Variants in FARP1 observed in about 807,000 individuals in gnomAD.
FARP1 encodes FERM, ARH/RhoGEF and pleckstrin domain protein 1.
FARP1 carries 52 observed loss-of-function variants against 128.8 expected under a neutral mutation model. That is an observed-to-expected ratio of 0.40 (90% confidence interval 0.32 to 0.51). The LOEUF is 0.51. Ranked by LOEUF, FARP1 falls within the 20% of genes least tolerant of loss-of-function variation. FARP1 has a pLI of 0.45. For missense variants in FARP1, 1,333 were observed against 1,367.9 expected, an observed-to-expected ratio of 0.97 and a Z score of 0.40; for synonymous variants, 580 against 551.8, an observed-to-expected ratio of 1.05 and a Z score of -0.72.
intron 1 of FARP1, among the ~76,000 whole-genome samples, chr13:98,200,579 G>C (rs1257258964): frequency 6.6e-6 from 1 of 152,102 alleles, no homozygotes; most frequent in African/African-American, 2.4e-5. Context: ...TAAGTGACTG[G>C]CCTGATGTTC....
At chr13:98,331,933 C>T (rs1285848241) in intron 2 of FARP1, 1 of 152,186 alleles carries the variant, frequency 6.6e-6, no homozygotes, top group African/African-American at 2.4e-5. Flanking sequence ...AGTTAGTTTT[C>T]CTTCCATCTT....
intron 6 of FARP1, among the ~76,000 whole-genome samples, chr13:98,379,962 C>T (rs543292908): frequency 6.6e-6 from 1 of 152,098 alleles, no homozygotes; most frequent in Non-Finnish European, 1.5e-5. Flanking sequence ...CACCTGCAAC[C>T]CTCCTTTTCC....
chr13:98,375,790 G>A (rs1268464999), intron 5 of FARP1, among the ~76,000 whole-genome samples: 12 of 152,052 alleles, frequency 7.9e-5, no homozygotes, highest in Non-Finnish European at 1.3e-4. Context: ...CACCACACCC[G>A]GCTAATTTTT....
At chr13:98,285,937 C>G (rs964909872) in intron 2 of FARP1, among the ~76,000 whole-genome samples, 8 of 152,130 alleles carry the variant, frequency 5.3e-5, no homozygotes, top group African/African-American at 1.9e-4. Context: ...GTTTGGGGGT[C>G]CCCTGTGTCT....
chr13:98,236,113 T>C (rs1467576181), intron 2 of FARP1, among the ~76,000 whole-genome samples: 1 of 152,222 alleles, frequency 6.6e-6, no homozygotes, highest in Non-Finnish European at 1.5e-5. Flanking sequence ...TCATCCTATA[T>C]GTGGCCTTTT....
intron 2 of FARP1, among the ~76,000 whole-genome samples, chr13:98,342,603 G>A (rs377116344): frequency 1.3e-5 from 2 of 152,134 alleles, no homozygotes; most frequent in African/African-American, 4.8e-5. Context: ...GGGAGGCCGA[G>A]GTAGGAGAAT....
At chr13:98,362,646 C>T (rs760361550) in intron 3 of FARP1, among the ~76,000 whole-genome samples, 4 of 152,284 alleles carry the variant, frequency 2.6e-5, no homozygotes, top group South Asian at 4.1e-4. Context: ...GGTGGTGGCA[C>T]CTTCTAAATG....
At chr13:98,375,407 A>G (rs1889538683) in intron 5 of FARP1, among the ~76,000 whole-genome samples, 1 of 152,180 alleles carries the variant, frequency 6.6e-6, no homozygotes, top group Non-Finnish European at 1.5e-5. Flanking sequence ...ACTTGAGGCA[A>G]AATTTTACTT....
intron 16 of FARP1, among the ~76,000 whole-genome samples, chr13:98,422,098 A>C (rs528523981): frequency 6.6e-6 from 1 of 152,312 alleles, no homozygotes; most frequent in Admixed American, 6.5e-5. Flanking sequence ...AGGACAACCA[A>C]AGGATTCCCA....
chr13:98,363,175 G>C (rs1888943909), intron 3 of FARP1, among the ~76,000 whole-genome samples: 1 of 152,134 alleles, frequency 6.6e-6, no homozygotes. Flanking sequence ...TGTGGCCTTG[G>C]CGGGGCCAGG....
intron 3 of FARP1, chr13:98,345,759 A>G (rs762558639): frequency 7.2e-5 from 11 of 152,254 alleles, no homozygotes; most frequent in Non-Finnish European, 1.3e-4. Flanking sequence ...GCCAGAGAGT[A>G]CTGTAGGCCT....
chr13:98,273,621 C>G (rs1420127764), intron 2 of FARP1, among the ~76,000 whole-genome samples: 1 of 152,232 alleles, frequency 6.6e-6, no homozygotes. Context: ...TCTCTAACTT[C>G]TTGTCCACGG....
chr13:98,238,647 G>A (rs1882587660), intron 2 of FARP1, among the ~76,000 whole-genome samples: 5 of 152,088 alleles, frequency 3.3e-5, no homozygotes, highest in Admixed American at 3.3e-4. Flanking sequence ...GATCTCCTGA[G>A]ACTTATTCAC....
At chr13:98,253,854 A>G (rs180954155) in intron 2 of FARP1, among the ~76,000 whole-genome samples, 12 of 152,298 alleles carry the variant, frequency 7.9e-5, no homozygotes, top group Non-Finnish European at 1.5e-5. Context: ...TGGAGGCAGA[A>G]TTTCTGGGTT....
intron 17 of FARP1, among the ~76,000 whole-genome samples, chr13:98,426,649 G>A (rs1232441494): frequency 6.6e-6 from 1 of 152,154 alleles, no homozygotes; most frequent in Non-Finnish European, 1.5e-5. Flanking sequence ...TGGATCCTGA[G>A]GTATTGTTTT....
At chr13:98,232,577 C>A (rs1220861584) in intron 2 of FARP1, among the ~76,000 whole-genome samples, 1 of 152,158 alleles carries the variant, frequency 6.6e-6, no homozygotes, top group Non-Finnish European at 1.5e-5. Flanking sequence ...TCTGTGTTAG[C>A]ATTTTTTAGC....
chr13:98,147,536 G>T (rs1594197228), intron 1 of FARP1, among the ~76,000 whole-genome samples: 1 of 151,824 alleles, frequency 6.6e-6, no homozygotes, highest in African/African-American at 2.4e-5. Flanking sequence ...GCAGACTTTT[G>T]ACGAAATGCT....
chr13:98,442,316 A>ATC (rs1892557692), intron 24 of FARP1, among the ~76,000 whole-genome samples: 1 of 152,192 alleles, frequency 6.6e-6, no homozygotes, highest in Non-Finnish European at 1.5e-5. Flanking sequence ...GGGTCTCGAG[A>ATC]GAGTCTCGGA....
chr13:98,443,541 C>T (rs566448931), intron 24 of FARP1, among the ~76,000 whole-genome samples: 30 of 152,370 alleles, frequency 2.0e-4, no homozygotes, highest in Admixed American at 1.0e-3. Flanking sequence ...TCCCCAGTCC[C>T]GTGCCCAGCC....
Sources: allele counts gnomAD v4.1 joint callset (sites outside exome capture counted in the v4.1 genomes callset), GRCh38; gene constraint gnomAD v4.1.1; transcripts MANE v1.5; gene names NCBI Gene and HGNC (gene_info 2026-07-23, HGNC 2026-07-21).